IGSF3: variants seen among roughly 807,000 people sequenced by gnomAD.
IGSF3 encodes immunoglobulin superfamily member 3.
In IGSF3, 23 loss-of-function variants were observed where a neutral mutation model predicts 114.4. The observed-to-expected ratio is 0.20, with a 90% CI of 0.14 to 0.28. The LOEUF (loss-of-function observed/expected upper bound fraction) is 0.28. Ranked by LOEUF, IGSF3 falls within the 10% of genes least tolerant of loss-of-function variation. The probability of loss-of-function intolerance (pLI) is 1.00; values close to 1 mark genes in which losing one functional copy is unlikely to be tolerated. For synonymous variants in IGSF3, 571 were observed against 645.2 expected, an observed-to-expected ratio of 0.88 and a Z score of 1.74; for missense variants, 1,172 against 1,591.5, an observed-to-expected ratio of 0.74 and a Z score of 4.48.
Position 116,603,693 on chromosome 1 carries a change from C to A in IGSF3, c.1555G>T (p.Ala519Ser), listed in dbSNP as rs756266334. 6.2e-7 allele frequency: 1 copy of A among 1,613,952 alleles called. No individual in the cohort carries two copies. Among genetic ancestry groups the A allele is most frequent in the Admixed American group, 1.7e-5 (1 of 60,024 alleles). Residue 519 changes from alanine (A) to serine (S), a missense_variant, in exon 6 of 11, where the codon GCA (alanine) becomes TCA (serine). Ala to Ser is a moderately conservative substitution (Grantham distance 99). Coordinates refer to ENST00000369486, the MANE Select transcript of IGSF3 (RefSeq NM_001007237.3). This position sits in a 1 kb window ranked among gnomAD's most constrained non-coding sequence, Gnocchi z 7.1. ...YECHVTEWVR[A>S]VDGEWQIVGE... ...ACAATCTGCCACTCGCCATCCACTGCCCGCACCCATTCAGTCACATGGCAT... is the reference window on the plus strand; with the variant it reads ...ACAATCTGCCACTCGCCATCCACTGACCGCACCCATTCAGTCACATGGCAT...
intron 2 of IGSF3, among the ~76,000 whole-genome samples, chr1:116,663,741 G>C (rs1198409545): frequency 4.6e-5 from 7 of 152,098 alleles, no homozygotes; most frequent in South Asian, 2.1e-4. Context: ...GCGTCTCCGA[G>C]ATTTACCCTG....
Position 116,582,438 on chromosome 1 carries a change from G to A in IGSF3, c.2848+2207C>T, listed in dbSNP as rs1373701740. ...TGTGAGCCCAACACAACTACTAATC[G>A]ACTCATCTGCAATCTTAGTGAGGAT... is the stretch of plus-strand genomic sequence containing the variant. On this transcript the variant is annotated intron_variant, in intron 9 of 10. Coordinates refer to ENST00000369486, the MANE Select transcript of IGSF3 (RefSeq NM_001007237.3). The surrounding 1 kb of genome is among the most constrained non-coding windows in gnomAD (Gnocchi z 4.7). Among the ~76,000 whole-genome samples, 1 of 152,122 alleles carries A rather than the reference G, an allele frequency of 6.6e-6. No homozygotes were observed. The highest frequency in any genetic ancestry group is 2.4e-5 in the African/African-American group (1 of 41,414).
chr1:116,649,322 A>AG lies in IGSF3; in HGVS notation c.43+16961dup. 6.6e-6 allele frequency among the ~76,000 whole-genome samples: 1 copy of AG among 152,290 alleles called. No homozygotes were observed. Among genetic ancestry groups the AG allele is most frequent in the East Asian group, 1.9e-4 (1 of 5,186 alleles). ...CATGGCCCCAACTGAACTGTGAGGG[A>AG]GGCTGGAAAATCTGGAGTATGTGCA... On this transcript the variant is annotated intron_variant, in intron 2 of 10. Transcript: ENST00000369486. The surrounding 1 kb of genome is among the most constrained non-coding windows in gnomAD (Gnocchi z 4.5).
chr1:116,653,785 C>T (rs945254899), intron 2 of IGSF3, among the ~76,000 whole-genome samples: 1 of 152,188 alleles, frequency 6.6e-6, no homozygotes, highest in Non-Finnish European at 1.5e-5. Flanking sequence ...TCTTGTTGCT[C>T]CCTTCTAGAA....
Position 116,662,788 on chromosome 1 carries a change from G to T in IGSF3, c.43+3496C>A, listed in dbSNP as rs1248977200. Among the ~76,000 whole-genome samples the T allele has an allele frequency of 6.6e-6, 1 of 152,116 alleles. No individual in the cohort carries two copies. The highest frequency in any genetic ancestry group is 2.4e-5 in the African/African-American group (1 of 41,430). ...TCACAATCCTCATCCCCTTCTTTCA[G>T]AACCCTTCTCCTGATTGCTCCAAAC... On this transcript the variant is annotated intron_variant, in intron 2 of 10. Transcript: ENST00000369486. The surrounding 1 kb of genome is among the most constrained non-coding windows in gnomAD (Gnocchi z 4.3).
chr1:116,618,057 G>A lies in IGSF3; in HGVS notation c.44-1600C>T, dbSNP rs1274234690. Among the ~76,000 whole-genome samples, 2 of 152,256 alleles carry A rather than the reference G, an allele frequency of 1.3e-5. No individual in the cohort carries two copies. On this transcript the variant is annotated intron_variant, in intron 2 of 10. Transcript: ENST00000369486. This position sits in a 1 kb window ranked among gnomAD's most constrained non-coding sequence, Gnocchi z 4.7. ...CAGCTCTCTGCCCAGCCCAGCAGGGGACTGTGCCTCAGTGTAAGCTAATCT... is the reference window on the plus strand; with the variant it reads ...CAGCTCTCTGCCCAGCCCAGCAGGGAACTGTGCCTCAGTGTAAGCTAATCT...
At position 116,577,210 on chromosome 1, in the gene IGSF3, C is replaced by A; in HGVS notation, c.*102G>T. 2 of 1,321,552 alleles carry A rather than the reference C, an allele frequency of 1.5e-6. No homozygotes were observed. Among genetic ancestry groups the A allele is most frequent in the Non-Finnish European group, 2.1e-6 (2 of 967,670 alleles). The allele number at this position is 1,321,552 out of a possible 1,614,324, so 81.9% of individuals were successfully genotyped here. A position where few individuals can be genotyped will look rare whatever the true frequency, so the allele number is the denominator to read the frequency against. On this transcript the variant is annotated 3_prime_UTR_variant, in exon 11 of 11. Coordinates refer to ENST00000369486, the MANE Select transcript of IGSF3 (RefSeq NM_001007237.3). The surrounding 1 kb of genome is among the most constrained non-coding windows in gnomAD (Gnocchi z 5.7). ...ACTTTTCAAGTCTGACAACTTTCCA[C>A]ACACATGCACCCCAGAGTTTGGGTG...
At position 116,632,358 on chromosome 1, in the gene IGSF3, G is replaced by A. The variant is rs1298617102; in HGVS notation, c.44-15901C>T. 6.6e-6 allele frequency among the ~76,000 whole-genome samples: 1 copy of A among 152,154 alleles called. No homozygotes were observed. The highest frequency in any genetic ancestry group is 1.5e-5 in the Non-Finnish European group (1 of 68,036). On this transcript the variant is annotated intron_variant, in intron 2 of 10. Transcript: ENST00000369486. This position sits in a 1 kb window ranked among gnomAD's most constrained non-coding sequence, Gnocchi z 5.1. ...CAGATGAGATATGGATCTGTGGGGG[G>A]AAGAAGGGGTGGGCGTGCTAGCATC... is the stretch of plus-strand genomic sequence containing the variant.
rs1005067857 is a variant in IGSF3, at chr1:116,579,982, T to C, written c.2849-105A>G. ...ACACATGATAGTAACATCCATACTA[T>C]AAGATATTATGCACCTATTGAAAAG... On this transcript the variant is annotated intron_variant, in intron 9 of 10. Coordinates refer to ENST00000369486, the MANE Select transcript of IGSF3 (RefSeq NM_001007237.3). This position sits in a 1 kb window ranked among gnomAD's most constrained non-coding sequence, Gnocchi z 6.4. 5 of 1,038,284 alleles carry C rather than the reference T, an allele frequency of 4.8e-6. No individual in the cohort carries two copies. In the African/African-American group the frequency reaches 4.8e-5, roughly 10 times the overall value. 64.3% of individuals were successfully genotyped at this position (1,038,284 alleles called of 1,614,324 possible).
At chr1:116,587,407 T>C (rs181791678) in intron 8 of IGSF3, among the ~76,000 whole-genome samples, 96 of 152,270 alleles carry the variant, frequency 6.3e-4, no homozygotes, top group African/African-American at 2.2e-3. Context: ...TAAGTTAAAA[T>C]GAGCTAGGAA....
chr1:116,640,776 C>T (rs1648054395), intron 2 of IGSF3, among the ~76,000 whole-genome samples: 1 of 152,220 alleles, frequency 6.6e-6, no homozygotes, highest in South Asian at 2.1e-4. Flanking sequence ...GTATCTTCAA[C>T]CACACTAGGC....
chr1:116,580,310 T>C (rs913196019), intron 9 of IGSF3, among the ~76,000 whole-genome samples: 7 of 152,304 alleles, frequency 4.6e-5, no homozygotes, highest in African/African-American at 1.7e-4. Flanking sequence ...AATAGCAACT[T>C]TGCAGACGTA....
intron 2 of IGSF3, among the ~76,000 whole-genome samples, chr1:116,658,503 G>A (rs369816142): frequency 2.4e-4 from 36 of 151,712 alleles, no homozygotes; most frequent in Non-Finnish European, 2.8e-4. Flanking sequence ...TTCTGATGTC[G>A]CCCACCTGTC....
Position 116,608,313 on chromosome 1 carries a change from C to T in IGSF3, c.851G>A (p.Arg284Gln), listed in dbSNP as rs1453686328. The change falls in exon 5 of 11, where the codon CGG becomes CAG. Residue 284 changes from arginine (R) to glutamine (Q), a missense_variant. Transcript: ENST00000369486. ...GTGCAGCCGCTTCTCTGTCTCCAGC[C>T]GAACAGTGAATTCTTTGTCTGAGAG... ...VQPTDKEFTV[R>Q]LETEKRLHTV... is the part of the protein sequence containing the mutation. The T allele has an allele frequency of 7.4e-6, 12 of 1,613,038 alleles. No individual in the cohort carries two copies. Among genetic ancestry groups the T allele is most frequent in the Middle Eastern group, 1.6e-4 (1 of 6,074 alleles).
rs1647469866 is a variant in IGSF3 at position 116,629,692 on chromosome 1, A to G, written c.44-13235T>C. 6.6e-6 allele frequency among the ~76,000 whole-genome samples: 1 copy of G among 152,210 alleles called. No homozygotes were observed. The highest frequency in any genetic ancestry group is 1.5e-5 in the Non-Finnish European group (1 of 68,040). ...ACTTTGCAGGTGTGTGAAGTGTCAAATGGTTAATCAGTTGCCCTCTATTTG... is the reference window on the plus strand; with the variant it reads ...ACTTTGCAGGTGTGTGAAGTGTCAAGTGGTTAATCAGTTGCCCTCTATTTG... On this transcript the variant is annotated intron_variant, in intron 2 of 10. Transcript: ENST00000369486. The surrounding 1 kb of genome is among the most constrained non-coding windows in gnomAD (Gnocchi z 4.3).
At chr1:116,637,064 CAG>C (rs937361561) in intron 2 of IGSF3, among the ~76,000 whole-genome samples, 110 of 152,292 alleles carry the variant, frequency 7.2e-4, no homozygotes, top group African/African-American at 2.6e-3. Context: ...TCACTGATCA[CAG>C]ACTTTTACTC....
chr1:116,614,042 C>G lies in IGSF3; in HGVS notation c.555G>C (p.Arg185=), dbSNP rs1661125567. 1 of 1,614,040 alleles carries G rather than the reference C, an allele frequency of 6.2e-7. No individual in the cohort carries two copies. Among genetic ancestry groups the G allele is most frequent in the African/African-American group, 1.3e-5 (1 of 74,928 alleles). The change falls in exon 4 of 11, where the codon CGG becomes CGC. Residue 185 remains arginine, a synonymous_variant. Coordinates refer to ENST00000369486, the MANE Select transcript of IGSF3 (RefSeq NM_001007237.3). The surrounding 1 kb of genome is among the most constrained non-coding windows in gnomAD (Gnocchi z 4.5). ...QHSHLSVAWL[R]QKVGEKPVEV... ...CCACGGGCTTCTCGCCAACTTTCTG[C>G]CGGAGCCAGGCCACAGACAGGTGGC...
At chr1:116,663,856 T>C (rs955892177) in intron 2 of IGSF3, among the ~76,000 whole-genome samples, 5 of 152,168 alleles carry the variant, frequency 3.3e-5, no homozygotes, top group African/African-American at 1.2e-4. Context: ...TTATCCAACT[T>C]TTTTAAACAA....
chr1:116,630,697 C>T (rs1298776048), intron 2 of IGSF3, among the ~76,000 whole-genome samples: 2 of 152,166 alleles, frequency 1.3e-5, no homozygotes, highest in African/African-American at 2.4e-5. Flanking sequence ...TAAACAGAGG[C>T]GGCAAAGCGT....
Sources: allele counts gnomAD v4.1 joint callset (sites outside exome capture counted in the v4.1 genomes callset), GRCh38; gene constraint gnomAD v4.1.1; non-coding constraint Gnocchi (gnomAD v3.1); transcripts MANE v1.5; gene names NCBI Gene and HGNC (gene_info 2026-07-23, HGNC 2026-07-21).